Variants in NRN1L observed in about 807,000 individuals in gnomAD.
NRN1L encodes the protein neuritin 1 like, also known as neuritin-like protein.
In NRN1L, 12 loss-of-function variants were observed where a neutral mutation model predicts 8.8. The ratio of observed to expected loss-of-function variants is 1.36; its 90% CI spans 0.87 to 2.20. The LOEUF (loss-of-function observed/expected upper bound fraction) is 2.20. NRN1L is among the 30% of genes most tolerant of loss of function. NRN1L has a pLI of 0.00. For missense variants in NRN1L, 266 were observed against 232.4 expected, an observed-to-expected ratio of 1.14 and a Z score of -0.94; for synonymous variants, 114 against 99.2, an observed-to-expected ratio of 1.15 and a Z score of -0.88.
rs1290107625 is a variant in NRN1L, at chr16:67,885,740, C to T, written c.98C>T (p.Ala33Val). The change falls in exon 2 of 3, where the codon GCA becomes GTA. Residue 33 changes from alanine to valine, a missense_variant. Transcript: ENST00000339176. The stretch of plus-strand genomic sequence containing the variant: ...CTTCTAGTCCTTTTACCTCCCCTGG[C>T]AGCAGCTGCAGCGGGCCCAAACCGA... ...LLPLVLLPPLAAAAAGPNRCD... is the reference protein window; with the variant it reads ...LLPLVLLPPLVAAAAGPNRCD... The T allele has an allele frequency of 6.3e-7, 1 of 1,582,578 alleles. No individual in the cohort carries two copies. The highest frequency in any genetic ancestry group is 1.4e-5 in the African/African-American group (1 of 73,696).
downstream of NRN1L, among the ~76,000 whole-genome samples, chr16:67,886,818 A>C (rs60508987): frequency 4.2e-3 from 638 of 152,264 alleles, 6 homozygotes; most frequent in African/African-American, 0.015. Flanking sequence ...CATAGCACAG[A>C]CTATGTGCTC....
downstream of NRN1L, among the ~76,000 whole-genome samples, chr16:67,887,424 C>T (rs940790449): frequency 2.0e-5 from 3 of 151,772 alleles, no homozygotes; most frequent in Non-Finnish European, 2.9e-5. Flanking sequence ...AGGTGCCCGC[C>T]ACCATGCCCG....
Position 67,885,790 on chromosome 16 carries a change from G to T in NRN1L, c.148G>T (p.Ala50Ser), listed in dbSNP as rs142084682. The change falls in exon 2 of 3, where the codon GCC becomes TCC. Residue 50 changes from alanine to serine, a missense_variant. Coordinates refer to ENST00000339176, the MANE Select transcript of NRN1L (RefSeq NM_198443.2). ...ATGTGACACCATATACCAGGGCTTC[G>T]CCGAGTGTCTCATCCGCTTGGGGGA... ...NRCDTIYQGF[A>S]ECLIRLGDSM... 1.3e-6 allele frequency: 2 copies of T among 1,597,642 alleles called. No individual in the cohort carries two copies. Among genetic ancestry groups the T allele is most frequent in the African/African-American group, 2.7e-5 (2 of 74,074 alleles).
chr16:67,887,614 C>T (rs1487286786), downstream of NRN1L, among the ~76,000 whole-genome samples: 1 of 147,934 alleles, frequency 6.8e-6, no homozygotes, highest in Non-Finnish European at 1.5e-5. Context: ...ACAGAGTCTC[C>T]CTCAGTCGCC....
rs373963412 is a variant in NRN1L at position 67,886,126 on chromosome 16, G to C, written c.365G>C (p.Arg122Pro). 1 of 1,612,368 alleles carries C rather than the reference G, an allele frequency of 6.2e-7. No individual in the cohort carries two copies. The change falls in exon 3 of 3, where the codon CGG (arginine) becomes CCG (proline). Residue 122 changes from arginine (R) to proline (P), a missense_variant. Coordinates refer to ENST00000339176, the MANE Select transcript of NRN1L (RefSeq NM_198443.2). ...CTGTGCGGTGCCCCGGTGCATGTTC[G>C]GGAGCGCGGCACAGGCTCCGAAACC... is the stretch of plus-strand genomic sequence containing the variant. ...HTLCGAPVHVRERGTGSETNQ... is the reference protein window; with the variant it reads ...HTLCGAPVHVPERGTGSETNQ...
At chr16:67,885,698 AC>A in intron 1 of NRN1L, 23 bp from the exon 2 acceptor site, 1 of 680,416 alleles carries the variant, frequency 1.5e-6, no homozygotes. Context: ...TTCCTTCCCC[AC>A]CCCACCCCCG....
Position 67,885,873 on chromosome 16 carries a change from C to T in NRN1L, c.212+19C>T. Reference sequence around the variant, plus strand: ...TCTGCAGGTACCGGCGGGTGTGAGGCAGTGGCCCAACCTGTGCCACCATTG... The same window carrying T: ...TCTGCAGGTACCGGCGGGTGTGAGGTAGTGGCCCAACCTGTGCCACCATTG... On this transcript the variant is annotated intron_variant, in intron 2 of 2. Transcript: ENST00000339176. The T allele has an allele frequency of 6.4e-7, 1 of 1,569,192 alleles. No individual in the cohort carries two copies. Among genetic ancestry groups the T allele is most frequent in the South Asian group, 1.2e-5 (1 of 82,382 alleles).
chr16:67,885,748 G>T lies in NRN1L; in HGVS notation c.106G>T (p.Ala36Ser). The T allele has an allele frequency of 6.2e-7, 1 of 1,601,376 alleles. No individual in the cohort carries two copies. The highest frequency in any genetic ancestry group is 2.3e-5 in the East Asian group (1 of 44,278). Residue 36 changes from alanine (A) to serine (S), a missense_variant, in exon 2 of 3, where the codon GCA becomes TCA. Coordinates refer to ENST00000339176, the MANE Select transcript of NRN1L (RefSeq NM_198443.2). ...LVLLPPLAAA[A>S]AGPNRCDTIY... Reference sequence around the variant, plus strand: ...CCTTTTACCTCCCCTGGCAGCAGCTGCAGCGGGCCCAAACCGATGTGACAC... The same window carrying T: ...CCTTTTACCTCCCCTGGCAGCAGCTTCAGCGGGCCCAAACCGATGTGACAC...
chr16:67,885,039 G>T lies in NRN1L; in HGVS notation c.79+57G>T, dbSNP rs2058089546. ...CCCCCTTCTCGCCCAGCCAAGCCAG[G>T]CTGGGCATAGGGTGTGTGGGAACGC... On this transcript the variant is annotated intron_variant, in intron 1 of 2. Coordinates refer to ENST00000339176, the MANE Select transcript of NRN1L (RefSeq NM_198443.2). 4 of 1,471,824 alleles carry T rather than the reference G, an allele frequency of 2.7e-6. No individual in the cohort carries two copies. The African/African-American group carries it at 5.5e-5, about 20-fold the overall frequency. The allele number at this position is 1,471,824 out of a possible 1,614,324, so 91.2% of individuals were successfully genotyped here.
downstream of NRN1L, among the ~76,000 whole-genome samples, chr16:67,887,510 T>A (rs1355535925): frequency 6.6e-6 from 1 of 151,764 alleles, no homozygotes; most frequent in Non-Finnish European, 1.5e-5. Flanking sequence ...CCTCAGGTGA[T>A]CTGACCCCCG....
In NRN1L at chr16:67,884,916, TGCC is replaced by T. The variant is rs1458132845; in HGVS notation, c.22_24del (p.Arg8del). On this transcript the variant is annotated inframe_deletion, in exon 1 of 3. Coordinates refer to ENST00000339176, the MANE Select transcript of NRN1L (RefSeq NM_198443.2). The surrounding 1 kb of genome is among the most constrained non-coding windows in gnomAD (Gnocchi z 4.1). ...CTCTCAGCCAGGGATGATGCGCTGCTGCCGCCGCCGCTGCTGCTGCCGGCAACC... is the reference window on the plus strand; with the variant it reads ...CTCTCAGCCAGGGATGATGCGCTGCTGCCGCCGCTGCTGCTGCCGGCAACC... 3.1e-6 allele frequency: 5 copies of T among 1,605,438 alleles called. No homozygotes were observed. The highest frequency in any genetic ancestry group is 2.2e-5 in the South Asian group (2 of 91,068).
rs1179335282 is a variant in NRN1L, at chr16:67,886,194, G to A, written c.433G>A (p.Ala145Thr). 6.2e-7 allele frequency: 1 copy of A among 1,602,674 alleles called. No individual in the cohort carries two copies. Among genetic ancestry groups the A allele is most frequent in the Non-Finnish European group, 8.5e-7 (1 of 1,179,206 alleles). ...GGCTACAGCGCCTGCACTCCCCATG[G>A]CCCCTGCGCCCCCACTGCTGGCGGC... ...LRATAPALPMAPAPPLLAAAL... is the reference protein window; with the variant it reads ...LRATAPALPMTPAPPLLAAAL... The change falls in exon 3 of 3, where the codon GCC (alanine) becomes ACC (threonine). Residue 145 changes from alanine to threonine, a missense_variant. Coordinates refer to ENST00000339176, the MANE Select transcript of NRN1L (RefSeq NM_198443.2).
downstream of NRN1L, among the ~76,000 whole-genome samples, chr16:67,887,195 C>T (rs551730162): frequency 8.5e-5 from 13 of 152,288 alleles, no homozygotes; most frequent in African/African-American, 3.1e-4. Flanking sequence ...CCACCACCGC[C>T]AGGATCCTAT....
intron 1 of NRN1L, chr16:67,885,226 TAGACC>T: frequency 1.7e-6 from 1 of 595,034 alleles, no homozygotes; most frequent in East Asian, 2.8e-5. Context: ...GCAGGACTTA[TAGACC>T]AGTCGTAGGA....
rs1435760578 is a variant in NRN1L at position 67,886,272 on chromosome 16, G to A, written c.*13G>A. The A allele has an allele frequency of 3.8e-6, 6 of 1,570,358 alleles. No individual in the cohort carries two copies. Among genetic ancestry groups the A allele is most frequent in the Non-Finnish European group, 5.2e-6 (6 of 1,163,944 alleles). ...GCCTCTGGCCTAGCTTGTTGGGTTG[G>A]GTAGCAGCGCCCGTACCTCCAGCCC... On this transcript the variant is annotated 3_prime_UTR_variant, in exon 3 of 3. Coordinates refer to ENST00000339176, the MANE Select transcript of NRN1L (RefSeq NM_198443.2).
chr16:67,884,929 G>A lies in NRN1L; in HGVS notation c.26G>A (p.Cys9Tyr), dbSNP rs1191390046. 1 of 1,606,936 alleles carries A rather than the reference G, an allele frequency of 6.2e-7. No individual in the cohort carries two copies. Among genetic ancestry groups the A allele is most frequent in the South Asian group, 1.1e-5 (1 of 91,066 alleles). Residue 9 changes from cysteine to tyrosine, a missense_variant, in exon 1 of 3, where the codon TGC (cysteine) becomes TAC (tyrosine). Physicochemically the swap from Cys to Tyr is radical, Grantham distance 194 (BLOSUM62 -2). Transcript: ENST00000339176. The surrounding 1 kb of genome is among the most constrained non-coding windows in gnomAD (Gnocchi z 4.1). ...ATGATGCGCTGCTGCCGCCGCCGCT[G>A]CTGCTGCCGGCAACCACCCCATGCC... is the stretch of plus-strand genomic sequence containing the variant. The part of the protein sequence containing the change: MMRCCRRR[C>Y]CCRQPPHALR...
chr16:67,885,739 G>T lies in NRN1L; in HGVS notation c.97G>T (p.Ala33Ser), dbSNP rs1223650572. The T allele has an allele frequency of 6.3e-7, 1 of 1,596,744 alleles. No individual in the cohort carries two copies. The highest frequency in any genetic ancestry group is 1.4e-5 in the African/African-American group (1 of 73,966). Residue 33 changes from alanine to serine, a missense_variant, in exon 2 of 3, where the codon GCA (alanine) becomes TCA (serine). Transcript: ENST00000339176. ...ACTTCTAGTCCTTTTACCTCCCCTG[G>T]CAGCAGCTGCAGCGGGCCCAAACCG... is the stretch of plus-strand genomic sequence containing the variant. ...LLPLVLLPPL[A>S]AAAAGPNRCD...
Position 67,884,946 on chromosome 16 carries a change from C to T in NRN1L, c.43C>T (p.Pro15Ser), listed in dbSNP as rs771783238. 17 of 1,607,938 alleles carry T rather than the reference C, an allele frequency of 1.1e-5. No individual in the cohort carries two copies. In the East Asian group the frequency reaches 3.8e-4, roughly 36 times the overall value. The change falls in exon 1 of 3, where the codon CCC (proline) becomes TCC (serine). Residue 15 changes from proline (P) to serine (S), a missense_variant. Transcript: ENST00000339176. The surrounding 1 kb of genome is among the most constrained non-coding windows in gnomAD (Gnocchi z 4.1). Reference protein sequence around the residue: ...CRRRCCCRQPPHALRPLLLLP... With the variant: ...CRRRCCCRQPSHALRPLLLLP... ...CCGCCGCTGCTGCTGCCGGCAACCA[C>T]CCCATGCCCTGAGGCCGTTGCTGTT...
At chr16:67,886,927 G>C (rs1051858576), downstream of NRN1L, among the ~76,000 whole-genome samples, 10 of 152,234 alleles carry the variant, frequency 6.6e-5, no homozygotes, top group African/African-American at 2.4e-4. Context: ...GATGTGACCT[G>C]AAGTGGCAAA....
Sources: allele counts gnomAD v4.1 joint callset (sites outside exome capture counted in the v4.1 genomes callset), GRCh38; gene constraint gnomAD v4.1.1; non-coding constraint Gnocchi (gnomAD v3.1); transcripts MANE v1.5; gene names NCBI Gene and HGNC (gene_info 2026-07-23, HGNC 2026-07-21).